LRP1: variants seen among roughly 807,000 people sequenced by gnomAD.
LRP1 encodes LDL receptor related protein 1, also known as prolow-density lipoprotein receptor-related protein 1.
LRP1 carries 51 observed loss-of-function variants against 541.5 expected under a neutral mutation model. That is an observed-to-expected ratio of 0.09 (90% CI 0.08 to 0.12). The LOEUF is 0.12. Ranked by LOEUF, LRP1 falls within the 10% of genes least tolerant of loss-of-function variation. The pLI, the probability that LRP1 is intolerant of heterozygous loss-of-function variation, is 1.00. For missense variants in LRP1, 3,878 were observed against 6,376.2 expected (o/e 0.61, Z 13.34); for synonymous variants, 2,219 against 2,470.8 (o/e 0.90, Z 3.02).
rs2036079743 is a variant in LRP1, at chr12:57,177,828, C to T, written c.4361+237C>T. Among the ~76,000 whole-genome samples, 3 of 152,132 alleles carry T rather than the reference C, an allele frequency of 2.0e-5. No individual in the cohort carries two copies. The South Asian group carries it at 6.2e-4, about 31-fold the overall frequency. On this transcript the variant is annotated intron_variant, in intron 26 of 88. Coordinates refer to ENST00000243077, the MANE Select transcript of LRP1 (RefSeq NM_002332.3). This position sits in a 1 kb window ranked among gnomAD's most constrained non-coding sequence, Gnocchi z 6.8. Reference sequence around the variant, plus strand: ...ATCAGCTGTGGTTATTCACACTGTACCATCCTCTCCACTCACCTGTCCTCT... The same window carrying T: ...ATCAGCTGTGGTTATTCACACTGTATCATCCTCTCCACTCACCTGTCCTCT...
At chr12:57,136,647 G>A (rs1273480048) in intron 1 of LRP1, among the ~76,000 whole-genome samples, 2 of 152,344 alleles carry the variant, frequency 1.3e-5, no homozygotes, top group East Asian at 1.9e-4. Flanking sequence ...TCAGCCTTGG[G>A]TGGGGGAGAA....
At position 57,129,014 on chromosome 12, in the gene LRP1, T is replaced by C. The variant is rs766210814; in HGVS notation, c.50T>C (p.Val17Ala). 5 of 1,551,428 alleles carry C rather than the reference T, an allele frequency of 3.2e-6. No individual in the cohort carries two copies. The highest frequency in any genetic ancestry group is 1.7e-4 in the Middle Eastern group (1 of 5,990). Reference sequence around the variant, plus strand: ...CTGCTGCCCCTGCTCTCAGCTCTGGTCGCGGCGGCTATCGACGGTGAGTGA... The same window carrying C: ...CTGCTGCCCCTGCTCTCAGCTCTGGCCGCGGCGGCTATCGACGGTGAGTGA... ...LLLLPLLSAL[V>A]AAAIDAPKTC... is the part of the protein sequence containing the mutation. The change falls in exon 1 of 89, where the codon GTC (valine) becomes GCC (alanine). Residue 17 changes from valine to alanine, a missense_variant. Physicochemically the swap from Val to Ala is moderately conservative, Grantham distance 64 (BLOSUM62 0). This residue lies in a region of LRP1 where 293 missense variants were observed against 403.7 expected (regional missense o/e 0.73). Coordinates refer to ENST00000243077, the MANE Select transcript of LRP1 (RefSeq NM_002332.3).
chr12:57,132,045 G>A (rs2035048930), intron 1 of LRP1: 2 of 152,570 alleles, frequency 1.3e-5, no homozygotes, highest in South Asian at 4.1e-4. Flanking sequence ...AGCTCTGCGT[G>A]TGGGCTCATT....
chr12:57,176,539 T>C (rs1370847154), intron 24 of LRP1, among the ~76,000 whole-genome samples: 4 of 152,142 alleles, frequency 2.6e-5, no homozygotes, highest in African/African-American at 9.7e-5. Flanking sequence ...CTGTTTTCAG[T>C]TGTGTGGTCA....
At position 57,197,565 on chromosome 12, in the gene LRP1, C is replaced by T. The variant is rs1415535610; in HGVS notation, c.9183C>T (p.Ala3061=). ...TCCAGGGCCTGAACAACGCCGTTGC[C>T]TTGGATTTTGACTACCGAGAGCAGA... The part of the protein sequence containing the change: ...LLKQGLNNAV[A]LDFDYREQMI... Residue 3061 remains alanine (A), a synonymous_variant, in exon 58 of 89, where the codon GCC becomes GCT. Transcript: ENST00000243077. This position sits in a 1 kb window ranked among gnomAD's most constrained non-coding sequence, Gnocchi z 4.5. The T allele has an allele frequency of 6.2e-7, 1 of 1,614,086 alleles. No individual in the cohort carries two copies. Among genetic ancestry groups the T allele is most frequent in the Non-Finnish European group, 8.5e-7 (1 of 1,180,022 alleles).
Position 57,181,273 on chromosome 12 carries a change from G to C in LRP1, c.5644G>C (p.Gly1882Arg). 6.2e-7 allele frequency: 1 copy of C among 1,612,864 alleles called. No homozygotes were observed. The highest frequency in any genetic ancestry group is 8.5e-7 in the Non-Finnish European group (1 of 1,179,824). ...CACAGCCGGCTATAGCCTCCGGAGT[G>C]GCCAGCAGGCCTGCGAGGGTCAGTG... ...MCTAGYSLRS[G>R]QQACEGVGSF... Residue 1882 changes from glycine to arginine, a missense_variant, in exon 34 of 89, where the codon GGC (glycine) becomes CGC (arginine). This residue lies in a region of LRP1 where 394 missense variants were observed against 635.9 expected (regional missense o/e 0.62). Transcript: ENST00000243077.
intron 6 of LRP1, among the ~76,000 whole-genome samples, chr12:57,153,273 T>C (rs997090896): frequency 4.6e-5 from 7 of 152,092 alleles, no homozygotes; most frequent in Non-Finnish European, 1.0e-4. Context: ...GAGGCCAGCA[T>C]GTGTCCCTGT....
In LRP1 at chr12:57,179,314, G is replaced by T; in HGVS notation, c.4739-15G>T. The T allele has an allele frequency of 6.3e-7, 1 of 1,595,526 alleles. No homozygotes were observed. The highest frequency in any genetic ancestry group is 8.6e-7 in the Non-Finnish European group (1 of 1,163,918). On this transcript the variant is annotated splice_polypyrimidine_tract_variant and intron_variant, in intron 28 of 88. Coordinates refer to ENST00000243077, the MANE Select transcript of LRP1 (RefSeq NM_002332.3). The surrounding 1 kb of genome is among the most constrained non-coding windows in gnomAD (Gnocchi z 6.8). The stretch of plus-strand genomic sequence containing the variant: ...AGGCAGGGACTGCCTTCAGTGACCA[G>T]CCCATGCCCCACAGAGTTTAAGAAG...
Position 57,203,176 on chromosome 12 carries a change from C to A in LRP1, c.10712-5C>A. On this transcript the variant is annotated splice_polypyrimidine_tract_variant and splice_region_variant and intron_variant, in intron 68 of 88. Transcript: ENST00000243077. The stretch of plus-strand genomic sequence containing the variant: ...CCTGGGCCTGTCTCCCCCTGTCCTT[C>A]CCAGCCCCTCGGCCCTGCTCCGAGA... 6.4e-7 allele frequency: 1 copy of A among 1,571,884 alleles called. No homozygotes were observed. Among genetic ancestry groups the A allele is most frequent in the Non-Finnish European group, 8.6e-7 (1 of 1,157,456 alleles).
chr12:57,191,041 G>A lies in LRP1; in HGVS notation c.7236+32G>A, dbSNP rs774249788. 35 of 1,587,574 alleles carry A rather than the reference G, an allele frequency of 2.2e-5. No homozygotes were observed. The East Asian group carries it at 3.2e-4, about 14-fold the overall frequency. ...CTGCGGGGTGGGTGAGCTGGCGGGC[G>A]GCTGAGGGGAGGCCAGGGCCAGGGT... On this transcript the variant is annotated intron_variant, in intron 43 of 88. Coordinates refer to ENST00000243077, the MANE Select transcript of LRP1 (RefSeq NM_002332.3).
chr12:57,191,972 CATG>C (rs2036414904), intron 44 of LRP1, among the ~76,000 whole-genome samples: 6 of 75,614 alleles, frequency 7.9e-5, no homozygotes, highest in South Asian at 1.0e-3. Context: ...ACACACCACA[CATG>C]ACACATACAC....
chr12:57,179,670 C>G lies in LRP1; in HGVS notation c.4967-112C>G, dbSNP rs527808533. 3 of 1,391,824 alleles carry G rather than the reference C, an allele frequency of 2.2e-6. No homozygotes were observed. The highest frequency in any genetic ancestry group is 2.5e-5 in the South Asian group (2 of 80,472). 86.2% of individuals were successfully genotyped at this position (1,391,824 alleles called of 1,614,324 possible). ...TCCTTCTCCCAGTCCTGTTCCCCCTCAGTGCTCCAGCCTGGTTTCCTGATC... is the reference window on the plus strand; with the variant it reads ...TCCTTCTCCCAGTCCTGTTCCCCCTGAGTGCTCCAGCCTGGTTTCCTGATC... On this transcript the variant is annotated intron_variant, in intron 29 of 88. Coordinates refer to ENST00000243077, the MANE Select transcript of LRP1 (RefSeq NM_002332.3). This position sits in a 1 kb window ranked among gnomAD's most constrained non-coding sequence, Gnocchi z 6.8.
In LRP1 at chr12:57,212,388, C is replaced by G; in HGVS notation, c.13495-27C>G. The stretch of plus-strand genomic sequence containing the variant: ...GGGCTACAGGCCCAGCTCCTGAGCC[C>G]TACCTGAACCCTCTGTCACCCTGCA... On this transcript the variant is annotated intron_variant, in intron 88 of 88. Transcript: ENST00000243077. This position sits in a 1 kb window ranked among gnomAD's most constrained non-coding sequence, Gnocchi z 5.0. 1 of 1,614,016 alleles carries G rather than the reference C, an allele frequency of 6.2e-7. No individual in the cohort carries two copies. The highest frequency in any genetic ancestry group is 8.5e-7 in the Non-Finnish European group (1 of 1,179,994).
At chr12:57,133,813 C>T (rs2035092601) in intron 1 of LRP1, among the ~76,000 whole-genome samples, 1 of 152,072 alleles carries the variant, frequency 6.6e-6, no homozygotes, top group Non-Finnish European at 1.5e-5. Flanking sequence ...CCTGAGTCTC[C>T]TTGTCCTTTA....
chr12:57,146,690 T>C (rs1324561119), intron 6 of LRP1: 1 of 152,314 alleles, frequency 6.6e-6, no homozygotes, highest in Non-Finnish European at 1.5e-5. Context: ...GCATCCCTGA[T>C]AGCGTCCTTG....
chr12:57,148,832 T>C, intron 6 of LRP1: 1 of 473,842 alleles, frequency 2.1e-6, no homozygotes, highest in Non-Finnish European at 3.7e-6. Context: ...CCCTGCACCA[T>C]GCTGCATGGG....
chr12:57,197,007 T>A lies in LRP1; in HGVS notation c.8918T>A (p.Leu2973Gln). The A allele has an allele frequency of 2.5e-6, 4 of 1,613,078 alleles. No individual in the cohort carries two copies. The highest frequency in any genetic ancestry group is 3.4e-6 in the Non-Finnish European group (4 of 1,179,890). The change falls in exon 56 of 89, where the codon CTG (leucine) becomes CAG (glutamine). Residue 2973 changes from leucine (L) to glutamine (Q), a missense_variant. By Grantham distance (113) the Leu-to-Gln change is moderately radical (BLOSUM62 -2). Around this residue, in one of 13 missense-constraint regions of LRP1, gnomAD observed 1,100 missense variants for 1,827.4 expected, o/e 0.60. Coordinates refer to ENST00000243077, the MANE Select transcript of LRP1 (RefSeq NM_002332.3). This position sits in a 1 kb window ranked among gnomAD's most constrained non-coding sequence, Gnocchi z 4.5. ...TGCCGCTGTCGCCCTGGCTTCCGGC[T>A]GAAGGACGACGGCCGGACGTGTGCT... ...FKCRCRPGFR[L>Q]KDDGRTCADV...
Position 57,184,062 on chromosome 12 carries a change from A to C in LRP1, c.5930-23A>C. 1 of 1,610,646 alleles carries C rather than the reference A, an allele frequency of 6.2e-7. No homozygotes were observed. The highest frequency in any genetic ancestry group is 8.5e-7 in the Non-Finnish European group (1 of 1,177,960). On this transcript the variant is annotated intron_variant, in intron 36 of 88. Coordinates refer to ENST00000243077, the MANE Select transcript of LRP1 (RefSeq NM_002332.3). This position sits in a 1 kb window ranked among gnomAD's most constrained non-coding sequence, Gnocchi z 7.8. ...CACCTGTCCTCACCTAACCTCCCTG[A>C]GCCCCACCAACTCCCTCCTTAGGCA... is the stretch of plus-strand genomic sequence containing the variant.
rs779425228 is a variant in LRP1 at position 57,193,710 on chromosome 12, C to G, written c.7804+25C>G. On this transcript the variant is annotated intron_variant, in intron 47 of 88. Coordinates refer to ENST00000243077, the MANE Select transcript of LRP1 (RefSeq NM_002332.3). ...AGTGAGTGAGGCGCACTGGCATAAC[C>G]CATCTGTACCTCAGTTCCTGCCCCA... is the stretch of plus-strand genomic sequence containing the variant. 8.7e-6 allele frequency: 14 copies of G among 1,614,052 alleles called. No homozygotes were observed. The South Asian group carries it at 1.4e-4, about 16-fold the overall frequency.
Sources: allele counts gnomAD v4.1 joint callset (sites outside exome capture counted in the v4.1 genomes callset), GRCh38; gene constraint gnomAD v4.1.1; regional missense constraint gnomAD v4.1.1; non-coding constraint Gnocchi (gnomAD v3.1); transcripts MANE v1.5; gene names NCBI Gene and HGNC (gene_info 2026-07-23, HGNC 2026-07-21).